The following TRIM65 variants were observed in gnomAD, a reference collection of about 807,000 sequenced individuals.
The protein encoded by TRIM65 is E3 ubiquitin-protein ligase TRIM65.
A neutral mutation model predicts 36.1 loss-of-function variants in TRIM65; 46 were observed. The observed-to-expected ratio is 1.27, with a 90% CI of 1.01 to 1.63. TRIM65 has a LOEUF of 1.63. Ranked by LOEUF, TRIM65 falls within the 40% of genes most tolerant of loss-of-function variation. The pLI is 0.00. For synonymous variants in TRIM65, 346 were observed against 313.6 expected (o/e 1.10, Z -1.09); for missense variants, 708 against 696.6 (o/e 1.02, Z -0.18).
In TRIM65 at chr17:75,891,291, G is replaced by T; in HGVS notation, c.1042C>A (p.Arg348Ser). Residue 348 changes from arginine (R) to serine (S), a missense_variant, in exon 6 of 6, where the codon CGC becomes AGC. Coordinates refer to ENST00000269383, the MANE Select transcript of TRIM65 (RefSeq NM_173547.4). ...VSANRHFYLS[R>S]QDQQVKHCRQ... ...CAGTGCTTCACCTGCTGGTCCTGGC[G>T]CGACAGATAGAAGTGACGGTTGGCG... 3 of 1,613,212 alleles carry T rather than the reference G, an allele frequency of 1.9e-6. No homozygotes were observed. Among genetic ancestry groups the T allele is most frequent in the Non-Finnish European group, 2.5e-6 (3 of 1,180,002 alleles).
In TRIM65 at chr17:75,895,015, C is replaced by T. The variant is rs56800566; in HGVS notation, c.414+1509G>A. 7.5e-3 allele frequency among the ~76,000 whole-genome samples: 1,139 copies of T among 152,344 alleles called. 14 individuals are homozygous for T. The highest frequency in any genetic ancestry group is 0.022 in the African/African-American group (904 of 41,576). ...GCTGGGGCCAGGGTCCCAGGTGCCA[C>T]AGGCCCGTCCCCTGGTTTGTCCCAC... On this transcript the variant is annotated intron_variant, in intron 1 of 5. Coordinates refer to ENST00000269383, the MANE Select transcript of TRIM65 (RefSeq NM_173547.4).
chr17:75,888,352 CA>C (rs1251206237), downstream of TRIM65, among the ~76,000 whole-genome samples: 120 of 90,984 alleles, frequency 1.3e-3, no homozygotes, highest in Non-Finnish European at 1.8e-3. Flanking sequence ...GACTCTGTCT[CA>C]AAAAAAAAAA....
chr17:75,896,726 T>G lies in TRIM65; in HGVS notation c.212A>C (p.Glu71Ala). 6.9e-7 allele frequency: 1 copy of G among 1,447,764 alleles called. No homozygotes were observed. The highest frequency in any genetic ancestry group is 9.1e-7 in the Non-Finnish European group (1 of 1,102,852). The allele number at this position is 1,447,764 out of a possible 1,614,324, so 89.7% of individuals were successfully genotyped here. Residue 71 changes from glutamate to alanine, a missense_variant, in exon 1 of 6, where the codon GAG (glutamate) becomes GCG (alanine). Physicochemically the swap from Glu to Ala is moderately radical, Grantham distance 107 (BLOSUM62 -1). Coordinates refer to ENST00000269383, the MANE Select transcript of TRIM65 (RefSeq NM_173547.4). The part of the protein sequence containing the change: ...RRNVALSGVL[E>A]VVRAGPARDP... ...CCGGGCGGGCCCGGCGCGCACCACC[T>G]CCAGCACGCCGCTGAGGGCCACGTT...
intron 1 of TRIM65, among the ~76,000 whole-genome samples, chr17:75,893,184 C>G (rs537871520): frequency 1.3e-5 from 2 of 152,230 alleles, no homozygotes; most frequent in Non-Finnish European, 2.9e-5. Flanking sequence ...CCTAACCCCC[C>G]ACCCATCAAT....
In TRIM65 at chr17:75,896,816, T is replaced by A; in HGVS notation, c.122A>T (p.Asp41Val). The change falls in exon 1 of 6, where the codon GAC becomes GTC. Residue 41 changes from aspartate (D) to valine (V), a missense_variant. Physicochemically the swap from Asp to Val is radical, Grantham distance 152. Coordinates refer to ENST00000269383, the MANE Select transcript of TRIM65 (RefSeq NM_173547.4). ...FCGACIRDWW[D>V]RCGKACPECR... The stretch of plus-strand genomic sequence containing the variant: ...CTCGGGGCACGCCTTTCCGCAGCGG[T>A]CCCACCAGTCCCGGATGCAGGCCCC... 1 of 1,515,746 alleles carries A rather than the reference T, an allele frequency of 6.6e-7. No homozygotes were observed. The highest frequency in any genetic ancestry group is 8.8e-7 in the Non-Finnish European group (1 of 1,134,366). 93.9% of individuals were successfully genotyped at this position (1,515,746 alleles called of 1,614,324 possible).
At chr17:75,891,489 G>T in intron 5 of TRIM65, 142 bp from the exon 6 acceptor site, 1 of 916,036 alleles carries the variant, frequency 1.1e-6, no homozygotes, top group Non-Finnish European at 1.7e-6. Flanking sequence ...CCTCGCAGGC[G>T]GAATCCTCTA....
At position 75,891,237 on chromosome 17, in the gene TRIM65, C is replaced by T. The variant is rs9892938; in HGVS notation, c.1096G>A (p.Gly366Ser). Residue 366 changes from glycine (G) to serine (S), a missense_variant, in exon 6 of 6, where the codon GGC (glycine) becomes AGC (serine). Gly to Ser is a moderately conservative substitution (Grantham distance 56, BLOSUM62 0). Transcript: ENST00000269383. ...TGCACCTGCCAGAGCTCAAAGCTGCCGGGCCCGCCTGGGCCCCGGGACTGA... is the reference window on the plus strand; with the variant it reads ...TGCACCTGCCAGAGCTCAAAGCTGCTGGGCCCGCCTGGGCCCCGGGACTGA... ...CRQSRGPGGP[G>S]SFELWQVQCA... 7.6e-3 allele frequency: 12,196 copies of T among 1,612,748 alleles called. 577 individuals carry two copies. In the African/African-American group the frequency reaches 0.12, roughly 16 times the overall value.
In TRIM65 at chr17:75,881,961, C is replaced by A. The variant is rs577348122; in HGVS notation, c.350-1332G>T. On this transcript the variant is annotated intron_variant, in intron 4 of 4. Coordinates refer to the TRIM65 transcript ENST00000591668. Reference sequence around the variant, plus strand: ...TCAGGACTATCACTTGTTTGCCAAGCCCCAGGAGCGGTTGGGAGGCCCAGG... The same window carrying A: ...TCAGGACTATCACTTGTTTGCCAAGACCCAGGAGCGGTTGGGAGGCCCAGG... Among the ~76,000 whole-genome samples the A allele has an allele frequency of 2.1e-4, 31 of 150,492 alleles. No homozygotes were observed. In the East Asian group the frequency reaches 5.2e-3, roughly 25 times the overall value.
chr17:75,887,461 G>A (rs2144024433), downstream of TRIM65, among the ~76,000 whole-genome samples: 1 of 152,120 alleles, frequency 6.6e-6, no homozygotes, highest in East Asian at 1.9e-4. Flanking sequence ...TCCAGCCTGG[G>A]CAACAGAGTG....
chr17:75,886,597 G>GCACAAAAA (rs1402438290), downstream of TRIM65, among the ~76,000 whole-genome samples: 1 of 149,870 alleles, frequency 6.7e-6, no homozygotes, highest in East Asian at 2.0e-4. Context: ...CTTTATTAGC[G>GCACAAAAA]CACAAAAACA....
intron 4 of TRIM65, among the ~76,000 whole-genome samples, chr17:75,881,862 T>C (rs2065171483): frequency 6.7e-6 from 1 of 149,838 alleles, no homozygotes; most frequent in African/African-American, 2.5e-5. Flanking sequence ...CCGGCCTGGG[T>C]GTGTCTGATT....
In TRIM65 at chr17:75,896,810, C is replaced by A; in HGVS notation, c.128G>T (p.Cys43Phe). ...GACIRDWWDRCGKACPECREP... is the reference protein window; with the variant it reads ...GACIRDWWDRFGKACPECREP... ...CCGGCACTCGGGGCACGCCTTTCCG[C>A]AGCGGTCCCACCAGTCCCGGATGCA... The change falls in exon 1 of 6, where the codon TGC (cysteine) becomes TTC (phenylalanine). Residue 43 changes from cysteine to phenylalanine, a missense_variant. Coordinates refer to ENST00000269383, the MANE Select transcript of TRIM65 (RefSeq NM_173547.4). 6.6e-7 allele frequency: 1 copy of A among 1,513,632 alleles called. No homozygotes were observed. Among genetic ancestry groups the A allele is most frequent in the Non-Finnish European group, 8.8e-7 (1 of 1,133,542 alleles). The allele number at this position is 1,513,632 out of a possible 1,614,324, so 93.8% of individuals were successfully genotyped here. A position where few individuals can be genotyped will look rare whatever the true frequency, so the allele number is the denominator to read the frequency against.
At chr17:75,885,872 G>A (rs1439058851), downstream of TRIM65, among the ~76,000 whole-genome samples, 1 of 152,078 alleles carries the variant, frequency 6.6e-6, no homozygotes, top group Non-Finnish European at 1.5e-5. Context: ...TCCAGGCAGC[G>A]TCCTGCTCCT....
In TRIM65 at chr17:75,891,806, T is replaced by G. The variant is rs1422138666; in HGVS notation, c.985+7A>C. Reference sequence around the variant, plus strand: ...CAGGGGCACACATACACGAACGGCCTCCTTACTCTGCCAGAGTTTCCTCCT... The same window carrying G: ...CAGGGGCACACATACACGAACGGCCGCCTTACTCTGCCAGAGTTTCCTCCT... On this transcript the variant is annotated splice_region_variant and intron_variant, in intron 5 of 5. Coordinates refer to ENST00000269383, the MANE Select transcript of TRIM65 (RefSeq NM_173547.4). 5.6e-6 allele frequency: 9 copies of G among 1,608,606 alleles called. No homozygotes were observed. Among genetic ancestry groups the G allele is most frequent in the Middle Eastern group, 1.6e-4 (1 of 6,078 alleles).
downstream of TRIM65, among the ~76,000 whole-genome samples, chr17:75,886,653 G>T (rs1313396977): frequency 2.0e-5 from 3 of 151,572 alleles, no homozygotes; most frequent in Non-Finnish European, 4.4e-5. Context: ...CTCCAATCCA[G>T]CTGGCCTGTG....
intron 1 of TRIM65, among the ~76,000 whole-genome samples, chr17:75,895,260 C>T (rs1314826658): frequency 1.3e-5 from 2 of 152,160 alleles, no homozygotes; most frequent in Non-Finnish European, 2.9e-5. Flanking sequence ...CTTGGTCTCC[C>T]TTCCCTGATC....
rs758652205 is a variant in TRIM65 at position 75,892,476 on chromosome 17, A to G, written c.535T>C (p.Trp179Arg). ...IQNSACILAS[W>R]VSGKFSSLLQ... ...AGGCTGCTGAACTTGCCGGAGACCC[A>G]GGAGGCCAAGATGCAGGCCGAGTTC... Residue 179 changes from tryptophan (W) to arginine (R), a missense_variant, in exon 3 of 6, where the codon TGG (tryptophan) becomes CGG (arginine). Physicochemically the swap from Trp to Arg is moderately radical, Grantham distance 101 (BLOSUM62 -3). Coordinates refer to ENST00000269383, the MANE Select transcript of TRIM65 (RefSeq NM_173547.4). 11 of 1,613,902 alleles carry G rather than the reference A, an allele frequency of 6.8e-6. No homozygotes were observed. In the African/African-American group the frequency reaches 1.5e-4, roughly 22 times the overall value.
chr17:75,890,964 G>C lies in TRIM65; in HGVS notation c.1369C>G (p.Leu457Val), dbSNP rs755262717. ...SGRLLGMDLD[L>V]ASGCLTFYSL... ...TAGAAGGTGAGGCAGCCTGAGGCCA[G>C]GTCCAAATCCATGCCCAGGAGCCGC... Residue 457 changes from leucine to valine, a missense_variant, in exon 6 of 6, where the codon CTG becomes GTG. Leu to Val is a conservative substitution (Grantham distance 32). Coordinates refer to ENST00000269383, the MANE Select transcript of TRIM65 (RefSeq NM_173547.4). The C allele has an allele frequency of 2.6e-6, 4 of 1,563,050 alleles. No individual in the cohort carries two copies. The highest frequency in any genetic ancestry group is 4.8e-5 in the East Asian group (2 of 41,508).
chr17:75,881,940 G>A (rs1181716507), intron 4 of TRIM65, among the ~76,000 whole-genome samples: 1 of 150,390 alleles, frequency 6.6e-6, no homozygotes, highest in Non-Finnish European at 1.5e-5. Context: ...ACTTGATCAG[G>A]ACTATCACTT....
Sources: allele counts gnomAD v4.1 joint callset (sites outside exome capture counted in the v4.1 genomes callset), GRCh38; gene constraint gnomAD v4.1.1; transcripts MANE v1.5; gene names NCBI Gene and HGNC (gene_info 2026-07-23, HGNC 2026-07-21).